Variants in DNAH3 observed in about 807,000 individuals in gnomAD.
The protein encoded by DNAH3 is axonemal beta dynein heavy chain 3.
Under a neutral mutation model 432.5 loss-of-function variants are expected in DNAH3, and 332 were observed. That is an observed-to-expected ratio of 0.77 (90% confidence interval 0.70 to 0.84). The LOEUF (loss-of-function observed/expected upper bound fraction) is 0.84, where lower values mean the gene tolerates loss of function less well. Among genes scored for constraint, DNAH3 ranks in the 40% least tolerant of loss-of-function variants. The probability of loss-of-function intolerance (pLI) is 0.00; values close to 1 mark genes in which losing one functional copy is unlikely to be tolerated. For missense variants in DNAH3, 4,861 were observed against 5,114.0 expected (o/e 0.95, Z 1.51); for synonymous variants, 1,956 against 1,900.2 (o/e 1.03, Z -0.76).
chr16:20,956,187 C>T (rs145805682), intron 54 of DNAH3, among the ~76,000 whole-genome samples: 2 of 152,252 alleles, frequency 1.3e-5, no homozygotes, highest in Non-Finnish European at 2.9e-5. Flanking sequence ...CTCGGCCCCC[C>T]AAAGTGCTAG....
chr16:21,102,149 G>T (rs2091852456), intron 16 of DNAH3, among the ~76,000 whole-genome samples: 1 of 152,150 alleles, frequency 6.6e-6, no homozygotes, highest in Non-Finnish European at 1.5e-5. Context: ...TGAGCCCAGG[G>T]CTGCCCTGCT....
rs2088261268 is a variant in DNAH3, at chr16:21,022,070, G to A, written c.5677C>T (p.Pro1893Ser). The A allele has an allele frequency of 1.2e-6, 2 of 1,613,990 alleles. No homozygotes were observed. Among genetic ancestry groups the A allele is most frequent in the African/African-American group, 1.3e-5 (1 of 75,018 alleles). The change falls in exon 40 of 62, where the codon CCC (proline) becomes TCC (serine). Residue 1893 changes from proline to serine, a missense_variant. By Grantham distance (74) the Pro-to-Ser change is moderately conservative (BLOSUM62 -1). Coordinates refer to ENST00000261383, the Ensembl canonical transcript of DNAH3. ...TGAAGGCGACCAAATTCCAGGCAGG[G>A]CTGGACAAGCCACATGAACATGTCA...
At chr16:20,942,755 A>G (rs1019995288) in intron 58 of DNAH3, among the ~76,000 whole-genome samples, 10 of 152,186 alleles carry the variant, frequency 6.6e-5, no homozygotes, top group Non-Finnish European at 8.8e-5. Context: ...CTTCATTTGT[A>G]GACTTAGGAG....
At chr16:21,016,390 ATATT>A (rs1231227069) in intron 41 of DNAH3, among the ~76,000 whole-genome samples, 1 of 152,226 alleles carries the variant, frequency 6.6e-6, no homozygotes, top group African/African-American at 2.4e-5. Context: ...TGTCATCAAA[ATATT>A]AATTGTGGCT....
chr16:20,953,544 T>C (rs1252028641), intron 55 of DNAH3, among the ~76,000 whole-genome samples: 1 of 151,868 alleles, frequency 6.6e-6, no homozygotes, highest in Non-Finnish European at 1.5e-5. Flanking sequence ...AAACGAAGCA[T>C]GACTGGCAGT....
In DNAH3 at chr16:21,026,700, C is replaced by CAAA. The variant is rs35667454; in HGVS notation, c.5540+324_5540+326dup. Among the ~76,000 whole-genome samples the CAAA allele has an allele frequency of 9.0e-3, 418 of 46,518 alleles. 8 individuals carry two copies. The highest frequency in any genetic ancestry group is 0.015 in the South Asian group (18 of 1,164). 30.5% of individuals were successfully genotyped at this position (46,518 alleles called of 152,430 possible). ...TGGGTGACAGAGTGATACTCCGTCT[C>CAAA]AAAAAAAAAAAAAAAAAAAAAAAGA... On this transcript the variant is annotated intron_variant, in intron 38 of 61. Coordinates refer to ENST00000261383, the Ensembl canonical transcript of DNAH3.
At chr16:21,011,397 G>T (rs913748690) in intron 41 of DNAH3, among the ~76,000 whole-genome samples, 1 of 152,174 alleles carries the variant, frequency 6.6e-6, no homozygotes, top group African/African-American at 2.4e-5. Flanking sequence ...CTGGAGTGCA[G>T]TGGTCACGCA....
At chr16:21,111,308 C>T (rs2092065003) in intron 14 of DNAH3, among the ~76,000 whole-genome samples, 1 of 152,190 alleles carries the variant, frequency 6.6e-6, no homozygotes, top group African/African-American at 2.4e-5. Context: ...TGAGAAGGGC[C>T]TGTGACCTCA....
At chr16:21,135,625 C>T (rs959042091) in intron 6 of DNAH3, among the ~76,000 whole-genome samples, 30 of 151,812 alleles carry the variant, frequency 2.0e-4, no homozygotes, top group African/African-American at 6.8e-4. Flanking sequence ...CCCAGGGGTC[C>T]GCCCAGGTAG....
chr16:21,154,840 C>G (rs1373380040), intron 1 of DNAH3, among the ~76,000 whole-genome samples: 1 of 152,154 alleles, frequency 6.6e-6, no homozygotes, highest in Non-Finnish European at 1.5e-5. Flanking sequence ...GTGACTTCCC[C>G]CAGGCCACCT....
At position 21,067,486 on chromosome 16, in the gene DNAH3, T is replaced by C. The variant is rs2090596755; in HGVS notation, c.3382-67A>G. 7.7e-5 allele frequency: 121 copies of C among 1,561,942 alleles called. 1 individual carries two copies. The South Asian group carries it at 1.3e-3, about 17-fold the overall frequency. On this transcript the variant is annotated intron_variant, in intron 23 of 61. Transcript: ENST00000261383. ...CAAGTTCTGAGATTGGTCATTGTATTGAATGTGTGACCTATCAACTGACAG... is the reference window on the plus strand; with the variant it reads ...CAAGTTCTGAGATTGGTCATTGTATCGAATGTGTGACCTATCAACTGACAG...
At chr16:20,959,507 C>T in intron 53 of DNAH3, 103 bp from the exon 54 acceptor site, 1 of 1,185,900 alleles carries the variant, frequency 8.4e-7, no homozygotes. Context: ...TGGTGGCTCA[C>T]ACCTGTAATC....
chr16:20,984,672 C>G (rs2086100441), intron 48 of DNAH3, among the ~76,000 whole-genome samples: 1 of 152,084 alleles, frequency 6.6e-6, no homozygotes. Flanking sequence ...GAGTATGAGA[C>G]TAGCCTGGCC....
At chr16:20,972,244 T>C (rs1446318586) in intron 51 of DNAH3, among the ~76,000 whole-genome samples, 8 of 152,020 alleles carry the variant, frequency 5.3e-5, no homozygotes, top group African/African-American at 1.9e-4. Flanking sequence ...CTCTCTTTTT[T>C]TTTTTTTGAG....
rs1311576750 is a variant in DNAH3 at position 21,072,828 on chromosome 16, T to TTATTATTATTATTATTAC, written c.3085-2003_3085-2002insGTAATAATAATAATAATA. On this transcript the variant is annotated intron_variant, in intron 21 of 61. Coordinates refer to ENST00000261383, the Ensembl canonical transcript of DNAH3. Reference sequence around the variant, plus strand: ...CATACTCAGCTAATTATTATTATTATTATTATTATTATTACTATTATTATT... The same window carrying TTATTATTATTATTATTAC: ...CATACTCAGCTAATTATTATTATTATTATTATTATTATTATTACTATTATTATTATTACTATTATTATT... Among the ~76,000 whole-genome samples, 829 of 147,446 alleles carry TTATTATTATTATTATTAC rather than the reference T, an allele frequency of 5.6e-3. 12 individuals carry two copies. Among genetic ancestry groups the TTATTATTATTATTATTAC allele is most frequent in the African/African-American group, 0.02 (791 of 39,466 alleles).
At chr16:21,124,067 C>T (rs2092398459) in intron 9 of DNAH3, among the ~76,000 whole-genome samples, 1 of 152,200 alleles carries the variant, frequency 6.6e-6, no homozygotes, top group South Asian at 2.1e-4. Flanking sequence ...TCTGGGATTA[C>T]AGGCGTGAGC....
At chr16:21,052,449 G>A (rs1383142745) in intron 28 of DNAH3, among the ~76,000 whole-genome samples, 2 of 152,218 alleles carry the variant, frequency 1.3e-5, no homozygotes, top group Non-Finnish European at 2.9e-5. Context: ...AAAGGTGCGT[G>A]CTCTGAAATC....
At chr16:21,025,394 A>G (rs1434220845) in intron 38 of DNAH3, among the ~76,000 whole-genome samples, 1 of 148,024 alleles carries the variant, frequency 6.8e-6, no homozygotes, top group African/African-American at 2.5e-5. Context: ...ATATATTATT[A>G]TATATTAGCA....
At chr16:20,972,566 C>T (rs909412747) in intron 51 of DNAH3, among the ~76,000 whole-genome samples, 4 of 151,708 alleles carry the variant, frequency 2.6e-5, no homozygotes, top group African/African-American at 4.8e-5. Context: ...CCATTCACCT[C>T]GTGTCTATTC....
Sources: gnomAD v4.1 joint callset for allele counts (sites outside exome capture counted in the v4.1 genomes callset) on GRCh38, gnomAD v4.1.1 for gene constraint, MANE v1.5 for transcripts, NCBI Gene and HGNC (gene_info 2026-07-23, HGNC 2026-07-21) for gene names.